Variants in RBM19 observed in about 807,000 individuals in gnomAD.
RBM19 encodes the protein RNA binding motif protein 19, also known as probable RNA-binding protein 19.
RBM19 carries 94 observed loss-of-function variants against 116.8 expected under a neutral mutation model. The ratio of observed to expected loss-of-function variants is 0.80; its 90% CI spans 0.68 to 0.95. The LOEUF is 0.95. Ranked by LOEUF, RBM19 falls within the 40% of genes least tolerant of loss-of-function variation. The pLI, the probability that RBM19 is intolerant of heterozygous loss-of-function variation, is 0.00. For missense variants in RBM19, 1,161 were observed against 1,220.7 expected, an observed-to-expected ratio of 0.95 and a Z score of 0.73; for synonymous variants, 475 against 494.1, an observed-to-expected ratio of 0.96 and a Z score of 0.51.
intron 5 of RBM19, among the ~76,000 whole-genome samples, chr12:113,958,404 T>C (rs58565095): frequency 0.18 from 27,442 of 151,958 alleles, 3,589 homozygotes; most frequent in African/African-American, 0.38. Flanking sequence ...CAGGGTGAAA[T>C]CCAGGCTCCT....
rs879082854 is a variant in RBM19, at chr12:113,823,089, C to T, written c.*135G>A. 2.3e-4 allele frequency: 175 copies of T among 758,324 alleles called. 1 individual carries two copies. The highest frequency in any genetic ancestry group is 9.3e-4 in the South Asian group (51 of 55,038). The allele number at this position is 758,324 out of a possible 1,614,324, so 47.0% of individuals were successfully genotyped here. A position where few individuals can be genotyped will look rare whatever the true frequency, so the allele number is the denominator to read the frequency against. ...CTTCCTCATCCCCTGTCTCCTCCGA[C>T]CTTGGACCAGTGCAGGGTGGGGCCG... On this transcript the variant is annotated 3_prime_UTR_variant, in exon 24 of 24. Coordinates refer to ENST00000261741, the MANE Select transcript of RBM19 (RefSeq NM_016196.4).
intron 22 of RBM19, among the ~76,000 whole-genome samples, chr12:113,857,490 G>T (rs146046180): frequency 6.6e-6 from 1 of 152,248 alleles, no homozygotes; most frequent in Admixed American, 6.5e-5. Flanking sequence ...CTCCGCTGCT[G>T]CCCTGAGCCA....
rs552348551 is a variant in RBM19 at position 113,861,329 on chromosome 12, C to T, written c.2559-2433G>A. ...AGGGGTCCAGTGACTTCCCTAAGACCACCAGGCAAGGTGGGGGTAGACCGA... is the reference window on the plus strand; with the variant it reads ...AGGGGTCCAGTGACTTCCCTAAGACTACCAGGCAAGGTGGGGGTAGACCGA... On this transcript the variant is annotated intron_variant, in intron 21 of 23. Coordinates refer to ENST00000261741, the MANE Select transcript of RBM19 (RefSeq NM_016196.4). Among the ~76,000 whole-genome samples the T allele has an allele frequency of 2.0e-5, 3 of 152,292 alleles. No homozygotes were observed. The South Asian group carries it at 6.2e-4, about 32-fold the overall frequency.
At chr12:113,939,263 G>A (rs970942677) in intron 15 of RBM19, among the ~76,000 whole-genome samples, 14 of 152,118 alleles carry the variant, frequency 9.2e-5, no homozygotes, top group Non-Finnish European at 2.9e-5. Flanking sequence ...CCAAGATGGC[G>A]CCACTGCACT....
intron 10 of RBM19, among the ~76,000 whole-genome samples, chr12:113,948,332 G>C (rs1001572351): frequency 5.9e-5 from 9 of 152,170 alleles, no homozygotes; most frequent in African/African-American, 1.7e-4. Flanking sequence ...TCAAGCCCAT[G>C]GCCTGAGAAA....
chr12:113,843,349 C>T (rs531672342), intron 23 of RBM19, among the ~76,000 whole-genome samples: 1 of 152,144 alleles, frequency 6.6e-6, no homozygotes, highest in Non-Finnish European at 1.5e-5. Flanking sequence ...TGGATGAGGG[C>T]ACAATGGTGG....
Position 113,852,221 on chromosome 12 carries a change from T to A in RBM19, c.2664+6570A>T, listed in dbSNP as rs111237458. On this transcript the variant is annotated intron_variant, in intron 22 of 23. Coordinates refer to ENST00000261741, the MANE Select transcript of RBM19 (RefSeq NM_016196.4). ...CTCTGTAGGACTGTGCAGTCCTCAG[T>A]CCGCACAGAAGCTCCAGGGACACAA... is the stretch of plus-strand genomic sequence containing the variant. 1.6e-4 allele frequency among the ~76,000 whole-genome samples: 25 copies of A among 152,128 alleles called. 1 individual carries two copies. The highest frequency in any genetic ancestry group is 5.8e-4 in the African/African-American group (24 of 41,484).
chr12:113,893,712 A>G (rs1424783089), intron 21 of RBM19, among the ~76,000 whole-genome samples: 1 of 152,240 alleles, frequency 6.6e-6, no homozygotes, highest in Non-Finnish European at 1.5e-5. Flanking sequence ...AGCGTTTTAA[A>G]GAATCTAGAT....
chr12:113,874,935 G>A (rs2041313652), intron 21 of RBM19, among the ~76,000 whole-genome samples: 1 of 152,214 alleles, frequency 6.6e-6, no homozygotes, highest in Non-Finnish European at 1.5e-5. Context: ...CAGCCATGAG[G>A]GGACCACTTT....
At chr12:113,921,566 C>T (rs61521264) in intron 18 of RBM19, among the ~76,000 whole-genome samples, 2 of 152,182 alleles carry the variant, frequency 1.3e-5, no homozygotes, top group Non-Finnish European at 2.9e-5. Flanking sequence ...GAGACCTATG[C>T]TCCTGCCTTT....
chr12:113,875,901 C>T (rs1879639369), intron 21 of RBM19, among the ~76,000 whole-genome samples: 1 of 152,114 alleles, frequency 6.6e-6, no homozygotes, highest in Non-Finnish European at 1.5e-5. Context: ...ATCTCGGCCA[C>T]ACCTCCCCTG....
intron 12 of RBM19, 38 bp downstream of exon 12, chr12:113,946,316 T>C: frequency 6.2e-7 from 1 of 1,613,668 alleles, no homozygotes; most frequent in Non-Finnish European, 8.5e-7. Flanking sequence ...GGCAGAGGGT[T>C]GGGGTTGGAG....
chr12:113,892,380 G>C (rs995484138), intron 21 of RBM19, among the ~76,000 whole-genome samples: 2 of 152,286 alleles, frequency 1.3e-5, no homozygotes, highest in Admixed American at 1.3e-4. Context: ...ACAGAAACAG[G>C]ATTGCTATTG....
intron 20 of RBM19, among the ~76,000 whole-genome samples, chr12:113,916,039 TG>T (rs1264350298): frequency 9.8e-5 from 15 of 152,308 alleles, no homozygotes; most frequent in East Asian, 9.7e-4. Context: ...TTCTTTTTTT[TG>T]TCTTGTCATT....
At chr12:113,937,401 TTG>T (rs1870166069) in intron 15 of RBM19, 2 of 318,934 alleles carry the variant, frequency 6.3e-6, no homozygotes, top group Non-Finnish European at 1.1e-5. Context: ...CAGGCCCCCT[TTG>T]TGTTTTTTCC....
chr12:113,950,667 AGGTGAGG>A (rs112352667), intron 8 of RBM19, among the ~76,000 whole-genome samples: 24,800 of 151,980 alleles, frequency 0.16, 2,724 homozygotes, highest in African/African-American at 0.32. Flanking sequence ...TGAGGCAACA[AGGTGAGG>A]GGTGAGGACC....
At chr12:113,852,461 AAC>A (rs1355890513) in intron 22 of RBM19, among the ~76,000 whole-genome samples, 2 of 152,214 alleles carry the variant, frequency 1.3e-5, no homozygotes, top group East Asian at 1.9e-4. Context: ...ACAATTACAA[AAC>A]AGTCATGAGC....
chr12:113,928,449 C>CA (rs1471969742), intron 16 of RBM19, among the ~76,000 whole-genome samples: 1 of 149,504 alleles, frequency 6.7e-6, no homozygotes, highest in Non-Finnish European at 1.5e-5. Context: ...CACACACACA[C>CA]ACAGTGATCA....
In RBM19 at chr12:113,918,571, G is replaced by A. The variant is rs978670902; in HGVS notation, c.2386-124C>T. On this transcript the variant is annotated intron_variant, in intron 19 of 23. Coordinates refer to ENST00000261741, the MANE Select transcript of RBM19 (RefSeq NM_016196.4). ...GCCTGATTGTTCCCCGGGGAGTGGG[G>A]CTAGCTGGTCTAGAGGACAGAGGAT... The A allele has an allele frequency of 4.1e-6, 4 of 965,402 alleles. No homozygotes were observed. The African/African-American group carries it at 6.6e-5, about 16-fold the overall frequency. 59.8% of individuals were successfully genotyped at this position (965,402 alleles called of 1,614,324 possible).
Sources: gnomAD v4.1 joint callset for allele counts (sites outside exome capture counted in the v4.1 genomes callset) on GRCh38, gnomAD v4.1.1 for gene constraint, MANE v1.5 for transcripts, NCBI Gene and HGNC (gene_info 2026-07-23, HGNC 2026-07-21) for gene names.